ENTREP2: variants seen among roughly 807,000 people sequenced by gnomAD.
The protein encoded by ENTREP2 is protein ENTREP2.
At chr15:29,196,773 A>C in the ENTREP2 span, 1 of 494,544 alleles carries the variant, frequency 2.0e-6, no homozygotes, top group African/African-American at 1.9e-5. Context: ...ATGTATAGAA[A>C]AAGCAAAAGT....
chr15:29,493,357 T>A, the ENTREP2 span, among the ~76,000 whole-genome samples: 1 of 151,102 alleles, frequency 6.6e-6, no homozygotes, highest in East Asian at 2.0e-4. Context: ...ATGGTCTCGA[T>A]CTCCTGACCT....
chr15:29,119,287 A>T, the ENTREP2 span, among the ~76,000 whole-genome samples: 31 of 52,940 alleles, frequency 5.9e-4, 9 homozygotes, highest in African/African-American at 1.1e-3. Context: ...TGATGAGTTC[A>T]TGTCCTTTGT....
At chr15:29,552,809 AC>A in the ENTREP2 span, among the ~76,000 whole-genome samples, 2 of 152,196 alleles carry the variant, frequency 1.3e-5, no homozygotes, top group Non-Finnish European at 2.9e-5. Flanking sequence ...ATTTTAAAGT[AC>A]CTTTTTCCTA....
chr15:29,435,353 T>G, the ENTREP2 span, among the ~76,000 whole-genome samples: 4 of 152,210 alleles, frequency 2.6e-5, no homozygotes, highest in Non-Finnish European at 4.4e-5. Flanking sequence ...GACACCCTCC[T>G]AAAGAAGCAG....
the ENTREP2 span, among the ~76,000 whole-genome samples, chr15:29,346,315 G>GC: frequency 6.6e-6 from 1 of 152,288 alleles, no homozygotes; most frequent in Middle Eastern, 3.4e-3. Context: ...CCACTCACCG[G>GC]CCGGGGACTG....
At chr15:29,187,401 G>A in the ENTREP2 span, among the ~76,000 whole-genome samples, 3 of 151,940 alleles carry the variant, frequency 2.0e-5, no homozygotes, top group Non-Finnish European at 2.9e-5. Context: ...TCAGCCTCCC[G>A]AGTAGCTGGG....
the ENTREP2 span, among the ~76,000 whole-genome samples, chr15:29,219,007 C>G: frequency 6.6e-6 from 1 of 152,062 alleles, no homozygotes; most frequent in African/African-American, 2.4e-5. Flanking sequence ...GAACAGTTAT[C>G]AGAGTAAACA....
the ENTREP2 span, among the ~76,000 whole-genome samples, chr15:29,318,259 GT>G: frequency 5.9e-5 from 9 of 152,150 alleles, no homozygotes; most frequent in South Asian, 2.1e-4. Flanking sequence ...CTCACTTCAT[GT>G]CTCTCTGTCG....
At chr15:29,282,367 G>A in the ENTREP2 span, among the ~76,000 whole-genome samples, 1 of 152,182 alleles carries the variant, frequency 6.6e-6, no homozygotes, top group African/African-American at 2.4e-5. Context: ...CCAGCCACGT[G>A]AAACTGTGAG....
the ENTREP2 span, among the ~76,000 whole-genome samples, chr15:29,643,723 G>A: frequency 6.6e-6 from 1 of 151,006 alleles, no homozygotes; most frequent in Non-Finnish European, 1.5e-5. Flanking sequence ...GGAGCTTGCA[G>A]TGAGCCAAGA....
chr15:29,207,556 A>C, the ENTREP2 span, among the ~76,000 whole-genome samples: 10 of 152,136 alleles, frequency 6.6e-5, no homozygotes, highest in Admixed American at 2.6e-4. Context: ...ACGATTGGCT[A>C]CTTTTAGAAT....
chr15:29,364,979 A>G, the ENTREP2 span, among the ~76,000 whole-genome samples: 33 of 152,232 alleles, frequency 2.2e-4, no homozygotes, highest in African/African-American at 7.5e-4. Flanking sequence ...TGTACATTCT[A>G]TGGGTTTGGA....
At chr15:29,124,745 G>T in the ENTREP2 span, 1 of 1,550,626 alleles carries the variant, frequency 6.4e-7, no homozygotes, top group East Asian at 2.4e-5. Flanking sequence ...ACGACGGCCT[G>T]TGTGAAGAGG....
chr15:29,188,956 G>A, the ENTREP2 span, among the ~76,000 whole-genome samples: 1 of 152,198 alleles, frequency 6.6e-6, no homozygotes, highest in Non-Finnish European at 1.5e-5. Context: ...CTCGCTCCTC[G>A]GGGACAGGGG....
chr15:29,468,559 G>A, the ENTREP2 span, among the ~76,000 whole-genome samples: 9 of 146,636 alleles, frequency 6.1e-5, no homozygotes, highest in Non-Finnish European at 1.0e-4. Context: ...GCAGTGAGCC[G>A]AGATTGCCCC....
chr15:29,242,554 C>T, the ENTREP2 span, among the ~76,000 whole-genome samples: 1 of 152,106 alleles, frequency 6.6e-6, no homozygotes, highest in South Asian at 2.1e-4. Flanking sequence ...AGCATGTTTG[C>T]TTGAAATCCC....
the ENTREP2 span, among the ~76,000 whole-genome samples, chr15:29,524,922 A>G: frequency 4.3e-4 from 65 of 152,340 alleles, no homozygotes; most frequent in African/African-American, 1.4e-3. Flanking sequence ...GCCTGGGTTT[A>G]TATCCCGATC....
At chr15:29,547,212 A>C in the ENTREP2 span, among the ~76,000 whole-genome samples, 5 of 151,286 alleles carry the variant, frequency 3.3e-5, no homozygotes, top group African/African-American at 1.2e-4. Context: ...CAGCCTCCCA[A>C]GTAGCTGGGA....
the ENTREP2 span, among the ~76,000 whole-genome samples, chr15:29,245,082 G>T: frequency 1.3e-5 from 2 of 152,120 alleles, no homozygotes; most frequent in Non-Finnish European, 2.9e-5. Context: ...CAAACTATGG[G>T]ATCAAAGATT....
Sources: gnomAD v4.1 joint callset for allele counts (sites outside exome capture counted in the v4.1 genomes callset) on GRCh38, gnomAD v4.1.1 for gene constraint, MANE v1.5 for transcripts, NCBI Gene and HGNC (gene_info 2026-07-23, HGNC 2026-07-21) for gene names.